FRMD8: variants seen among roughly 807,000 people sequenced by gnomAD.
The protein encoded by FRMD8 is FERM domain containing 8.
FRMD8 carries 37 observed loss-of-function variants against 54.2 expected under a neutral mutation model. That is an observed-to-expected ratio of 0.68 (90% CI 0.53 to 0.90). The LOEUF is 0.90. Among genes scored for constraint, FRMD8 ranks in the 40% least tolerant of loss-of-function variants. The pLI, the probability that FRMD8 is intolerant of heterozygous loss-of-function variation, is 0.00. For missense variants in FRMD8, 585 were observed against 653.7 expected, an observed-to-expected ratio of 0.89 and a Z score of 1.15; for synonymous variants, 246 against 286.9, an observed-to-expected ratio of 0.86 and a Z score of 1.44.
At chr11:65,382,646 C>T (rs1475405356), upstream of FRMD8, 1 of 152,576 alleles carries the variant, frequency 6.6e-6, no homozygotes, top group African/African-American at 2.4e-5. The surrounding 1 kb of genome is among the most constrained non-coding windows in gnomAD (Gnocchi z 4.4). Context: ...TCTGCTCAGT[C>T]AAAACCAAAA....
At chr11:65,391,028 G>A (rs911417388) in intron 3 of FRMD8, among the ~76,000 whole-genome samples, 3 of 152,210 alleles carry the variant, frequency 2.0e-5, no homozygotes, top group African/African-American at 7.2e-5. Context: ...CTTTTCCCCC[G>A]GCCCCTGCAC....
chr11:65,393,811 C>T lies in FRMD8; in HGVS notation c.355+137C>T. 8.4e-6 allele frequency: 7 copies of T among 832,354 alleles called. No homozygotes were observed. The South Asian group carries it at 1.2e-4, about 14-fold the overall frequency. 51.6% of individuals were successfully genotyped at this position (832,354 alleles called of 1,614,324 possible). A position where few individuals can be genotyped will look rare whatever the true frequency, so the allele number is the denominator to read the frequency against. The stretch of plus-strand genomic sequence containing the variant: ...GGCCTGCATCTCCCCCAGGCTCCGT[C>T]AGCCACCCCTGGCAGGGGAGGAAGG... On this transcript the variant is annotated intron_variant, in intron 4 of 10. Transcript: ENST00000317568.
At chr11:65,380,368 C>T in the FRMD8 span, 1 of 935,754 alleles carries the variant, frequency 1.1e-6, no homozygotes, top group Non-Finnish European at 1.6e-6. Flanking sequence ...GGCACTGGGC[C>T]AGGAAGGCAC....
Position 65,411,880 on chromosome 11 carries a change from G to A in FRMD8, c.*520G>A, listed in dbSNP as rs1856341863. 1 of 152,774 alleles carries A rather than the reference G, an allele frequency of 6.5e-6. No homozygotes were observed. The highest frequency in any genetic ancestry group is 1.5e-5 in the Non-Finnish European group (1 of 68,446). The allele number at this position is 152,774 out of a possible 1,614,324, so 9.5% of individuals were successfully genotyped here. Reference sequence around the variant, plus strand: ...ACCAGTTTCCCACCTTCCTCCTGCTGGTGCTCCATCCCCCAATACCAGGCT... The same window carrying A: ...ACCAGTTTCCCACCTTCCTCCTGCTAGTGCTCCATCCCCCAATACCAGGCT... On this transcript the variant is annotated 3_prime_UTR_variant, in exon 11 of 11. Transcript: ENST00000317568.
In FRMD8 at chr11:65,396,934, G is replaced by A. The variant is rs1308756351; in HGVS notation, c.717G>A (p.Glu239=). Residue 239 remains glutamate, a synonymous_variant, in exon 7 of 11, where the codon GAG becomes GAA. Transcript: ENST00000317568. ...TGAACGCCTACCGCCAGGTGCAGGA[G>A]GTCAGCAGCGACGGCGGGTGCGAGG... ...GLLNAYRQVQ[E]VSSDGGCEAA... 6 of 1,546,276 alleles carry A rather than the reference G, an allele frequency of 3.9e-6. No individual in the cohort carries two copies. The East Asian group carries it at 7.4e-5, about 19-fold the overall frequency.
chr11:65,400,691 G>A lies in FRMD8; in HGVS notation c.928-33G>A, dbSNP rs1590656071. The A allele has an allele frequency of 1.3e-6, 2 of 1,537,834 alleles. No individual in the cohort carries two copies. Among genetic ancestry groups the A allele is most frequent in the East Asian group, 4.6e-5 (2 of 43,018 alleles). Reference sequence around the variant, plus strand: ...GTGGGGAGCAGACCTCTGCCCAGGGGTCAAGCCTGGCTCTGTGTCTCCTGC... The same window carrying A: ...GTGGGGAGCAGACCTCTGCCCAGGGATCAAGCCTGGCTCTGTGTCTCCTGC... On this transcript the variant is annotated intron_variant, in intron 8 of 10. Coordinates refer to ENST00000317568, the MANE Select transcript of FRMD8 (RefSeq NM_031904.5). The surrounding 1 kb of genome is among the most constrained non-coding windows in gnomAD (Gnocchi z 4.3).
At chr11:65,393,806 T>C (rs1855889608) in intron 4 of FRMD8, 132 bp downstream of exon 4, 2 of 838,438 alleles carry the variant, frequency 2.4e-6, no homozygotes, top group Admixed American at 4.8e-5. Context: ...TCCCCCAGGC[T>C]CCGTCAGCCA....
chr11:65,380,613 C>T, the FRMD8 span: 2 of 1,292,728 alleles, frequency 1.5e-6, no homozygotes, highest in Middle Eastern at 2.1e-4. Context: ...TGCCAGCTGG[C>T]CACGCAGAAC....
intron 10 of FRMD8, among the ~76,000 whole-genome samples, chr11:65,406,398 G>C (rs1194736519): frequency 6.6e-6 from 1 of 151,966 alleles, no homozygotes; most frequent in Non-Finnish European, 1.5e-5. Context: ...GTTTCACCGT[G>C]TTAGCCAGGA....
chr11:65,411,247 G>A lies in FRMD8; in HGVS notation c.1282G>A (p.Gly428Arg). The A allele has an allele frequency of 1.2e-6, 2 of 1,605,922 alleles. No homozygotes were observed. Among genetic ancestry groups the A allele is most frequent in the African/African-American group, 1.3e-5 (1 of 74,764 alleles). The part of the protein sequence containing the change: ...STIDYVEDGK[G>R]IRRVKPKRTT... ...GCCCTCCCATTCCCTCGCAGGCAAG[G>A]GGATCAGGCGAGTGAAGCCGAAGCG... The change falls in exon 11 of 11, where the codon GGG becomes AGG. Residue 428 changes from glycine (G) to arginine (R), a missense_variant. Gly to Arg is a moderately radical substitution (Grantham distance 125, BLOSUM62 -2). Coordinates refer to ENST00000317568, the MANE Select transcript of FRMD8 (RefSeq NM_031904.5).
At chr11:65,399,598 C>T in intron 7 of FRMD8, 138 bp from the exon 8 acceptor site, 2 of 1,030,568 alleles carry the variant, frequency 1.9e-6, no homozygotes, top group South Asian at 1.6e-5. Flanking sequence ...CTTCATCCCA[C>T]CTCTGTTTCT....
chr11:65,385,523 G>T (rs911361956), upstream of FRMD8, among the ~76,000 whole-genome samples: 1 of 152,172 alleles, frequency 6.6e-6, no homozygotes, highest in Non-Finnish European at 1.5e-5. Context: ...ACAACTTCTG[G>T]TTCCTCTGGC....
intron 10 of FRMD8, among the ~76,000 whole-genome samples, chr11:65,406,009 A>AT (rs1419234858): frequency 1.3e-5 from 2 of 151,204 alleles, no homozygotes; most frequent in African/African-American, 4.9e-5. Flanking sequence ...CTATATATAT[A>AT]TATTTTTTTT....
At chr11:65,408,027 T>C (rs1200176942) in intron 10 of FRMD8, among the ~76,000 whole-genome samples, 3 of 152,064 alleles carry the variant, frequency 2.0e-5, no homozygotes, top group African/African-American at 7.2e-5. Flanking sequence ...TCTGTTACAA[T>C]GAACATGTCA....
At chr11:65,389,942 G>C (rs1217201176) in intron 3 of FRMD8, among the ~76,000 whole-genome samples, 1 of 152,216 alleles carries the variant, frequency 6.6e-6, no homozygotes, top group African/African-American at 2.4e-5. Flanking sequence ...GTTGTAGTTA[G>C]GGTGGCGAGA....
At chr11:65,376,259 C>T in the FRMD8 span, 2 of 1,014,314 alleles carry the variant, frequency 2.0e-6, no homozygotes, top group Non-Finnish European at 2.9e-6. Flanking sequence ...GGTGTCTGCC[C>T]AGCCCAGATC....
At chr11:65,387,160 G>A in intron 2 of FRMD8, 39 bp downstream of exon 2, 1 of 1,526,828 alleles carries the variant, frequency 6.5e-7, no homozygotes. Context: ...CACCCTCCTG[G>A]GACCCCAGCC....
rs2137961937 is a variant in FRMD8 at position 65,412,745 on chromosome 11, G to A, written c.*1385G>A. On this transcript the variant is annotated 3_prime_UTR_variant, in exon 11 of 11. Coordinates refer to ENST00000317568, the MANE Select transcript of FRMD8 (RefSeq NM_031904.5). ...CACCCTCCTCCCTTTGGTAGCTTGT[G>A]AATGTGCCAGGTGTTTCGAGGTAGG... The A allele has an allele frequency of 1.3e-5, 2 of 152,378 alleles. No homozygotes were observed. The highest frequency in any genetic ancestry group is 3.9e-4 in the East Asian group (2 of 5,186). 9.4% of individuals were successfully genotyped at this position (152,378 alleles called of 1,614,324 possible).
intron 10 of FRMD8, 57 bp from the exon 11 acceptor site, chr11:65,411,180 GCCTGA>G: frequency 7.2e-7 from 1 of 1,392,890 alleles, no homozygotes; most frequent in Non-Finnish European, 9.8e-7. Context: ...GGCTTCCTGG[GCCTGA>G]GCCCCCTCAC....
Sources: gnomAD v4.1 joint callset for allele counts (sites outside exome capture counted in the v4.1 genomes callset) on GRCh38, gnomAD v4.1.1 for gene constraint, Gnocchi (gnomAD v3.1) non-coding constraint, MANE v1.5 for transcripts, NCBI Gene and HGNC (gene_info 2026-07-23, HGNC 2026-07-21) for gene names.